The following ST6GALNAC3 variants were observed in gnomAD, a reference collection of about 807,000 sequenced individuals.
ST6GALNAC3 encodes the protein ST6 N-acetylgalactosaminide alpha-2,6-sialyltransferase 3.
In ST6GALNAC3, 25 loss-of-function variants were observed where a neutral mutation model predicts 32.7. That is an observed-to-expected ratio of 0.76 (90% CI 0.56 to 1.07). ST6GALNAC3 has a LOEUF of 1.07. ST6GALNAC3 is among the 50% of genes least tolerant of loss of function. The pLI is 0.00. For missense variants in ST6GALNAC3, 355 were observed against 382.4 expected (o/e 0.93, Z 0.60); for synonymous variants, 129 against 133.1 (o/e 0.97, Z 0.21).
At chr1:76,239,375 TA>T (rs1656840170) in intron 1 of ST6GALNAC3, among the ~76,000 whole-genome samples, 1 of 151,294 alleles carries the variant, frequency 6.6e-6, no homozygotes, top group South Asian at 2.1e-4. Context: ...TATAAAGGAA[TA>T]CCTGAAGTTA....
At chr1:76,320,336 A>G (rs1646942756) in intron 2 of ST6GALNAC3, among the ~76,000 whole-genome samples, 1 of 152,150 alleles carries the variant, frequency 6.6e-6, no homozygotes, top group Non-Finnish European at 1.5e-5. Flanking sequence ...TGGTGGATCC[A>G]TTTCATACCT....
intron 3 of ST6GALNAC3, among the ~76,000 whole-genome samples, chr1:76,541,406 C>T (rs943607944): frequency 3.3e-5 from 5 of 152,192 alleles, no homozygotes; most frequent in African/African-American, 1.2e-4. Flanking sequence ...AGTATCTGAT[C>T]TTTCCCGCAT....
At chr1:76,479,575 C>T (rs369371011) in intron 3 of ST6GALNAC3, among the ~76,000 whole-genome samples, 208 of 152,256 alleles carry the variant, frequency 1.4e-3, no homozygotes, top group Middle Eastern at 6.8e-3. Flanking sequence ...AGAGAACATG[C>T]GCAAGGGTGG....
intron 1 of ST6GALNAC3, among the ~76,000 whole-genome samples, chr1:76,255,087 GCAC>G (rs1657843986): frequency 6.6e-6 from 1 of 150,444 alleles, no homozygotes; most frequent in African/African-American, 2.5e-5. Flanking sequence ...GTGGCACCTA[GCAC>G]AAGTGACACC....
intron 1 of ST6GALNAC3, among the ~76,000 whole-genome samples, chr1:76,217,450 T>C (rs956678892): frequency 6.6e-6 from 1 of 152,246 alleles, no homozygotes; most frequent in African/African-American, 2.4e-5. Context: ...TCAGCATAAA[T>C]AGTGCCTCCT....
chr1:76,165,075 CT>C (rs1652037036), intron 1 of ST6GALNAC3, among the ~76,000 whole-genome samples: 1 of 152,028 alleles, frequency 6.6e-6, no homozygotes, highest in Non-Finnish European at 1.5e-5. Flanking sequence ...TATAGGTAAA[CT>C]TGTGTCATGG....
chr1:76,589,251 C>A (rs1361069421), intron 3 of ST6GALNAC3, among the ~76,000 whole-genome samples: 3 of 152,136 alleles, frequency 2.0e-5, no homozygotes, highest in Non-Finnish European at 2.9e-5. Flanking sequence ...GGGGAGTTTT[C>A]ATTAGGGCTA....
chr1:76,119,803 ATAATAGATAT>A, intron 1 of ST6GALNAC3, among the ~76,000 whole-genome samples: 1 of 9,864 alleles, frequency 1.0e-4, no homozygotes, highest in Non-Finnish European at 2.9e-4. Context: ...ATAGATGATG[ATAATAGATAT>A]ATGTAATAGA....
chr1:76,416,456 A>G (rs918456351), intron 3 of ST6GALNAC3, among the ~76,000 whole-genome samples: 4 of 152,072 alleles, frequency 2.6e-5, no homozygotes, highest in Non-Finnish European at 5.9e-5. Context: ...AATTAAAAAT[A>G]TGTCACTAGT....
chr1:76,182,013 T>C (rs569855279), intron 1 of ST6GALNAC3, among the ~76,000 whole-genome samples: 5 of 152,186 alleles, frequency 3.3e-5, no homozygotes, highest in Non-Finnish European at 5.9e-5. Context: ...TCTTATGATG[T>C]GGCCAGCTAT....
chr1:76,254,286 T>C (rs1657792441), intron 1 of ST6GALNAC3, among the ~76,000 whole-genome samples: 1 of 152,102 alleles, frequency 6.6e-6, no homozygotes, highest in South Asian at 2.1e-4. Flanking sequence ...AGTGTTAAGC[T>C]GGATACTGGT....
At chr1:76,327,279 T>TGTGTGG in intron 2 of ST6GALNAC3, among the ~76,000 whole-genome samples, 1 of 85,084 alleles carries the variant, frequency 1.2e-5, no homozygotes. Context: ...TATATGCGTG[T>TGTGTGG]GTGTGTGTGT....
chr1:76,453,133 T>C (rs935396689), intron 3 of ST6GALNAC3, among the ~76,000 whole-genome samples: 1 of 152,232 alleles, frequency 6.6e-6, no homozygotes. Context: ...ATATCTTCCA[T>C]TCCATTTCTA....
intron 1 of ST6GALNAC3, among the ~76,000 whole-genome samples, chr1:76,081,426 G>A (rs918915335): frequency 1.3e-5 from 2 of 152,112 alleles, no homozygotes; most frequent in Admixed American, 1.3e-4. Flanking sequence ...TTTACCTTCA[G>A]TGCCAATTTA....
At chr1:76,262,138 T>G (rs972710554) in intron 1 of ST6GALNAC3, among the ~76,000 whole-genome samples, 7 of 152,214 alleles carry the variant, frequency 4.6e-5, no homozygotes, top group African/African-American at 1.7e-4. Context: ...GAGCACTTAC[T>G]GTGTCCCAGA....
chr1:76,295,125 G>GTTTTCT (rs1553175039), intron 1 of ST6GALNAC3, among the ~76,000 whole-genome samples: 4 of 151,654 alleles, frequency 2.6e-5, no homozygotes, highest in African/African-American at 7.3e-5. Flanking sequence ...TTATTGAGAT[G>GTTTTCT]TTTTCTTTTT....
intron 1 of ST6GALNAC3, among the ~76,000 whole-genome samples, chr1:76,198,088 A>G (rs1390941582): frequency 6.6e-6 from 1 of 152,160 alleles, no homozygotes; most frequent in African/African-American, 2.4e-5. Flanking sequence ...CCTAGGCTGG[A>G]GTGCACTGGC....
chr1:76,521,229 A>G (rs1176351189), intron 3 of ST6GALNAC3, among the ~76,000 whole-genome samples: 1 of 152,022 alleles, frequency 6.6e-6, no homozygotes, highest in Admixed American at 6.6e-5. Context: ...AATTTTATAT[A>G]TATTTTAAAT....
At chr1:76,529,636 A>C (rs1043707338) in intron 3 of ST6GALNAC3, among the ~76,000 whole-genome samples, 1 of 152,190 alleles carries the variant, frequency 6.6e-6, no homozygotes, top group Non-Finnish European at 1.5e-5. Context: ...ATATGTATGC[A>C]ACTTTGAGTA....
Sources: allele counts gnomAD v4.1 joint callset (sites outside exome capture counted in the v4.1 genomes callset), GRCh38; gene constraint gnomAD v4.1.1; transcripts MANE v1.5; gene names NCBI Gene and HGNC (gene_info 2026-07-23, HGNC 2026-07-21).